The following PAX2 variants were observed in gnomAD, a reference collection of about 807,000 sequenced individuals.
The protein encoded by PAX2 is paired box 2.
Under a neutral mutation model 41.7 loss-of-function variants are expected in PAX2, and 9 were observed. That is an observed-to-expected ratio of 0.22 (90% CI 0.13 to 0.38). The LOEUF is 0.38. PAX2 is among the 10% of genes least tolerant of loss of function. The pLI is 1.00. For synonymous variants in PAX2, 221 were observed against 212.7 expected (o/e 1.04, Z -0.34); for missense variants, 418 against 531.6 (o/e 0.79, Z 2.10).
upstream of PAX2, among the ~76,000 whole-genome samples, chr10:100,742,410 G>T (rs1845684888): frequency 3.3e-5 from 5 of 151,700 alleles, no homozygotes; most frequent in Admixed American, 2.0e-4. Flanking sequence ...GCGCGGCCCA[G>T]CCAGAAAACC....
intron 5 of PAX2, among the ~76,000 whole-genome samples, chr10:100,796,335 A>C (rs1395852694): frequency 6.6e-6 from 1 of 152,184 alleles, no homozygotes; most frequent in African/African-American, 2.4e-5. Flanking sequence ...ATTTTCACCT[A>C]ACATTACTTA....
At chr10:100,806,692 C>T (rs888895322) in intron 6 of PAX2, 87 bp downstream of exon 6, 1 of 1,088,178 alleles carries the variant, frequency 9.2e-7, no homozygotes, top group Admixed American at 1.7e-5. Flanking sequence ...ACACCACATG[C>T]ATAGCCAGCA....
intron 1 of PAX2, chr10:100,749,474 T>C: frequency 7.8e-7 from 1 of 1,288,614 alleles, no homozygotes; most frequent in Non-Finnish European, 9.8e-7. Context: ...TTCTGTCATC[T>C]GGTTTCTCTC....
intron 1 of PAX2, among the ~76,000 whole-genome samples, chr10:100,739,443 G>T (rs1229275561): frequency 1.3e-5 from 2 of 152,226 alleles, no homozygotes. Context: ...AAGGAAAGGC[G>T]GGCGCGCCGC....
chr10:100,827,814 C>A lies in PAX2; in HGVS notation c.*195C>A, dbSNP rs1848637733. 6.2e-6 allele frequency: 5 copies of A among 810,462 alleles called. No homozygotes were observed. The highest frequency in any genetic ancestry group is 2.5e-5 in the Admixed American group (1 of 39,236). 50.2% of individuals were successfully genotyped at this position (810,462 alleles called of 1,614,324 possible). ...CGAAGGTCGGACAGGACGGGTGGAGCCGTGGGCGGGACCCTCAGGCCCGGG... is the reference window on the plus strand; with the variant it reads ...CGAAGGTCGGACAGGACGGGTGGAGACGTGGGCGGGACCCTCAGGCCCGGG... On this transcript the variant is annotated 3_prime_UTR_variant, in exon 10 of 10. Coordinates refer to ENST00000355243, the MANE Select transcript of PAX2 (RefSeq NM_000278.5). The surrounding 1 kb of genome is among the most constrained non-coding windows in gnomAD (Gnocchi z 8.5).
At chr10:100,811,238 A>T (rs1376840151) in intron 7 of PAX2, among the ~76,000 whole-genome samples, 1 of 152,244 alleles carries the variant, frequency 6.6e-6, no homozygotes, top group African/African-American at 2.4e-5. Context: ...AAAGAGCTGC[A>T]GATTATGCTC....
intron 3 of PAX2, among the ~76,000 whole-genome samples, chr10:100,768,770 T>C (rs1018808644): frequency 2.0e-5 from 3 of 152,186 alleles, no homozygotes; most frequent in Non-Finnish European, 2.9e-5. Context: ...TATGTATAAT[T>C]ATATGTCAAT....
At position 100,753,488 on chromosome 10, in the gene PAX2, T is replaced by C. The variant is rs146591899; in HGVS notation, c.410+2597T>C. The stretch of plus-strand genomic sequence containing the variant: ...TGCCTTTTATCAGTTCTGGGAATTC[T>C]CACTCACTGTAGGAAGAGCCCGGAG... On this transcript the variant is annotated intron_variant, in intron 3 of 9. Transcript: ENST00000355243. Among the ~76,000 whole-genome samples, 736 of 152,370 alleles carry C rather than the reference T, an allele frequency of 4.8e-3. 6 individuals are homozygous for C. The highest frequency in any genetic ancestry group is 0.017 in the African/African-American group (698 of 41,586).
At chr10:100,817,612 A>T (rs1444170884) in intron 7 of PAX2, among the ~76,000 whole-genome samples, 1 of 152,160 alleles carries the variant, frequency 6.6e-6, no homozygotes, top group African/African-American at 2.4e-5. Context: ...CCAGGGATTC[A>T]AGGTGGCAGT....
intron 5 of PAX2, among the ~76,000 whole-genome samples, chr10:100,798,255 A>G (rs915608838): frequency 4.0e-5 from 6 of 151,868 alleles, no homozygotes; most frequent in East Asian, 1.9e-4. Context: ...AGCCTGGACC[A>G]CAGACACATG....
chr10:100,804,741 G>T (rs975477362), intron 5 of PAX2, among the ~76,000 whole-genome samples: 1 of 152,092 alleles, frequency 6.6e-6, no homozygotes, highest in Admixed American at 6.5e-5. Flanking sequence ...GCGTAGACAC[G>T]CAATACTCAC....
At chr10:100,781,476 T>A in intron 5 of PAX2, 111 bp downstream of exon 5, 1 of 1,174,284 alleles carries the variant, frequency 8.5e-7, no homozygotes, top group Non-Finnish European at 1.3e-6. Context: ...TCAATTTTAG[T>A]AGCAAAGCCC....
chr10:100,739,715 C>G (rs1198324390), intron 1 of PAX2, among the ~76,000 whole-genome samples: 1 of 152,264 alleles, frequency 6.6e-6, no homozygotes, highest in Non-Finnish European at 1.5e-5. Context: ...TCCGCAGGTC[C>G]CACGGTCGCG....
At chr10:100,739,211 C>T (rs887905870) in intron 1 of PAX2, among the ~76,000 whole-genome samples, 3 of 152,176 alleles carry the variant, frequency 2.0e-5, no homozygotes, top group African/African-American at 7.2e-5. Context: ...CGCCCCTTTC[C>T]TCGGGTCTCT....
At chr10:100,785,394 T>A (rs1846805937) in intron 5 of PAX2, among the ~76,000 whole-genome samples, 3 of 152,094 alleles carry the variant, frequency 2.0e-5, no homozygotes, top group African/African-American at 7.2e-5. Flanking sequence ...GGATCATCCT[T>A]TGAGGTGTGA....
intron 7 of PAX2, among the ~76,000 whole-genome samples, chr10:100,815,703 G>C (rs1015452751): frequency 3.3e-5 from 5 of 152,226 alleles, no homozygotes; most frequent in African/African-American, 1.2e-4. Context: ...TCCACTGATA[G>C]AGGTAAAGGA....
chr10:100,766,724 T>C (rs1475037241), intron 3 of PAX2, among the ~76,000 whole-genome samples: 1 of 152,164 alleles, frequency 6.6e-6, no homozygotes, highest in African/African-American at 2.4e-5. Flanking sequence ...GCAGTGCAAA[T>C]GACCAGGCCA....
At chr10:100,798,943 C>T (rs573651819) in intron 5 of PAX2, among the ~76,000 whole-genome samples, 22 of 152,396 alleles carry the variant, frequency 1.4e-4, no homozygotes, top group Admixed American at 9.1e-4. Context: ...ATATTGATCG[C>T]GTTCTGAACT....
chr10:100,765,246 A>G (rs557312629), intron 3 of PAX2, among the ~76,000 whole-genome samples: 4 of 152,330 alleles, frequency 2.6e-5, no homozygotes, highest in Admixed American at 2.6e-4. Flanking sequence ...CAAATATGAA[A>G]CCCAGTTTCC....
Sources: allele counts gnomAD v4.1 joint callset (sites outside exome capture counted in the v4.1 genomes callset), GRCh38; gene constraint gnomAD v4.1.1; non-coding constraint Gnocchi (gnomAD v3.1); transcripts MANE v1.5; gene names NCBI Gene and HGNC (gene_info 2026-07-23, HGNC 2026-07-21).